The following TBXAS1 variants were observed in gnomAD, a reference collection of about 807,000 sequenced individuals.
The protein encoded by TBXAS1 is thromboxane-A synthase.
A neutral mutation model predicts 60.7 loss-of-function variants in TBXAS1; 48 were observed. That is an observed-to-expected ratio of 0.79 (90% CI 0.63 to 1.01). The LOEUF (loss-of-function observed/expected upper bound fraction) is 1.01, where lower values mean the gene tolerates loss of function less well. TBXAS1 is among the 50% of genes least tolerant of loss of function. TBXAS1 has a pLI of 0.00. For missense variants in TBXAS1, 685 were observed against 686.3 expected, an observed-to-expected ratio of 1.00 and a Z score of 0.02; for synonymous variants, 287 against 269.7, an observed-to-expected ratio of 1.06 and a Z score of -0.63.
chr7:139,815,517 G>C (rs1160710183), intron 4 of TBXAS1, among the ~76,000 whole-genome samples: 1 of 152,144 alleles, frequency 6.6e-6, no homozygotes, highest in Non-Finnish European at 1.5e-5. Context: ...TTTCTTATTA[G>C]TTTACCTTGG....
intron 4 of TBXAS1, 103 bp from the exon 5 acceptor site, chr7:139,936,088 C>A: frequency 9.8e-7 from 1 of 1,016,706 alleles, no homozygotes; most frequent in Non-Finnish European, 1.6e-6. Flanking sequence ...AACTTGTTGG[C>A]CACTGATGGA....
chr7:139,886,189 G>A (rs574879339), intron 3 of TBXAS1, among the ~76,000 whole-genome samples: 3 of 151,956 alleles, frequency 2.0e-5, no homozygotes, highest in South Asian at 2.1e-4. Flanking sequence ...ATTATTCTTC[G>A]TATCTCAAGA....
intron 4 of TBXAS1, among the ~76,000 whole-genome samples, chr7:139,929,824 C>T (rs1037305733): frequency 1.3e-5 from 2 of 152,184 alleles, no homozygotes; most frequent in Non-Finnish European, 2.9e-5. Flanking sequence ...CCTCCACCCC[C>T]GCTCTCTCCT....
Position 139,810,496 on chromosome 7 carries a change from A to G in TBXAS1, c.-79-18816A>G, listed in dbSNP as rs527956047. 2.6e-5 allele frequency among the ~76,000 whole-genome samples: 4 copies of G among 152,326 alleles called. No individual in the cohort carries two copies. The South Asian group carries it at 6.2e-4, about 24-fold the overall frequency. On this transcript the variant is annotated intron_variant, in intron 4 of 16. Coordinates refer to the TBXAS1 transcript ENST00000336425. The stretch of plus-strand genomic sequence containing the variant: ...CATGGGGATAGATGAATGGAAAGGA[A>G]TTTGTAAAGGTATTGACAATGTTTT...
chr7:139,902,436 C>G (rs553643616), intron 3 of TBXAS1, among the ~76,000 whole-genome samples: 1 of 152,086 alleles, frequency 6.6e-6, no homozygotes, highest in African/African-American at 2.4e-5. Flanking sequence ...GTGCATGTAA[C>G]AATAGCTTGT....
chr7:139,787,413 C>T (rs571025546), exon 4 of TBXAS1: 4 of 152,332 alleles, frequency 2.6e-5, no homozygotes, highest in Admixed American at 2.0e-4. Context: ...AAATAGAAGG[C>T]AGAACAACAA....
intron 1 of TBXAS1, among the ~76,000 whole-genome samples, chr7:139,849,861 T>C (rs1333309048): frequency 6.6e-6 from 1 of 152,262 alleles, no homozygotes; most frequent in East Asian, 1.9e-4. Context: ...TGAGCTGTAT[T>C]GCTTAGGACA....
At chr7:139,990,423 C>T (rs1812803868) in intron 9 of TBXAS1, among the ~76,000 whole-genome samples, 1 of 152,210 alleles carries the variant, frequency 6.6e-6, no homozygotes, top group Non-Finnish European at 1.5e-5. Flanking sequence ...AAGGGGCAGC[C>T]TCAGGAGTGT....
intron 1 of TBXAS1, among the ~76,000 whole-genome samples, chr7:139,848,339 C>T (rs1380628980): frequency 1.3e-5 from 2 of 151,948 alleles, no homozygotes; most frequent in Non-Finnish European, 2.9e-5. Context: ...CTGTCAGTTA[C>T]GTAGGGGTAG....
intron 3 of TBXAS1, among the ~76,000 whole-genome samples, chr7:139,895,798 G>A (rs775137690): frequency 9.8e-5 from 15 of 152,332 alleles, no homozygotes; most frequent in Non-Finnish European, 1.6e-4. Flanking sequence ...TCTTTGCCCC[G>A]CTAGACCTGA....
chr7:139,991,495 ATGACTGTCAAGGT>A (rs1812899641), intron 9 of TBXAS1, among the ~76,000 whole-genome samples: 1 of 152,144 alleles, frequency 6.6e-6, no homozygotes, highest in African/African-American at 2.4e-5. Context: ...GCCCAATGGA[ATGACTGTCAAGGT>A]TAAGGGAGAG....
At chr7:139,791,803 G>GTTT (rs1554464060) in intron 4 of TBXAS1, among the ~76,000 whole-genome samples, 2 of 76,006 alleles carry the variant, frequency 2.6e-5, no homozygotes, top group East Asian at 8.0e-4. Flanking sequence ...TCTTTGGAAT[G>GTTT]TTTTGTTTTT....
intron 4 of TBXAS1, among the ~76,000 whole-genome samples, chr7:139,823,889 T>C (rs1798367725): frequency 6.6e-6 from 1 of 152,216 alleles, no homozygotes; most frequent in Admixed American, 6.5e-5. Flanking sequence ...GGTACTTGTA[T>C]GGTGCTGAGG....
In TBXAS1 at chr7:139,802,104, T is replaced by C. The variant is rs534369294; in HGVS notation, c.-80+14678T>C. Among the ~76,000 whole-genome samples, 8 of 152,378 alleles carry C rather than the reference T, an allele frequency of 5.3e-5. No individual in the cohort carries two copies. The South Asian group carries it at 1.7e-3, about 32-fold the overall frequency. On this transcript the variant is annotated intron_variant, in intron 4 of 16. Coordinates refer to the TBXAS1 transcript ENST00000336425. ...CTGTGTCAACTCTCTCATATCACTT[T>C]GTTGGCTTATCTCATTCTTACCTTT...
At chr7:139,986,829 C>A (rs570742091) in intron 9 of TBXAS1, among the ~76,000 whole-genome samples, 1 of 130,794 alleles carries the variant, frequency 7.6e-6, no homozygotes, top group African/African-American at 2.9e-5. Context: ...ACCATAGTTT[C>A]TTTATCCACT....
chr7:139,924,746 G>A (rs1806753772), intron 4 of TBXAS1, among the ~76,000 whole-genome samples: 1 of 152,124 alleles, frequency 6.6e-6, no homozygotes, highest in South Asian at 2.1e-4. Flanking sequence ...CAATGTCCTA[G>A]ATATTTTCTC....
chr7:139,917,307 G>A (rs1367053810), intron 4 of TBXAS1, among the ~76,000 whole-genome samples: 3 of 152,106 alleles, frequency 2.0e-5, no homozygotes, highest in African/African-American at 7.2e-5. Context: ...CTCCTTCTCT[G>A]CCGCAATCTT....
chr7:139,991,156 T>C (rs976197538), intron 9 of TBXAS1, among the ~76,000 whole-genome samples: 4 of 152,172 alleles, frequency 2.6e-5, no homozygotes, highest in Admixed American at 6.5e-5. Context: ...GTGATGGAAC[T>C]CGTTTCGATT....
At chr7:140,019,884 A>G in intron 12 of TBXAS1, 141 bp from the exon 13 acceptor site, 1 of 775,290 alleles carries the variant, frequency 1.3e-6, no homozygotes, top group Non-Finnish European at 2.2e-6. Context: ...TCACTGAAAG[A>G]TAGGTTTGGG....
Sources: allele counts gnomAD v4.1 joint callset (sites outside exome capture counted in the v4.1 genomes callset), GRCh38; gene constraint gnomAD v4.1.1; transcripts MANE v1.5; gene names NCBI Gene and HGNC (gene_info 2026-07-23, HGNC 2026-07-21).